The following SPEN variants were observed in gnomAD, a reference collection of about 807,000 sequenced individuals.
SPEN encodes the protein msx2-interacting protein.
SPEN carries 18 observed loss-of-function variants against 269.9 expected under a neutral mutation model. That is an observed-to-expected ratio of 0.07 (90% confidence interval 0.05 to 0.10). The LOEUF (loss-of-function observed/expected upper bound fraction) is 0.10, where lower values mean the gene tolerates loss of function less well. SPEN is among the 10% of genes least tolerant of loss of function. SPEN has a pLI of 1.00. For synonymous variants in SPEN, 1,726 were observed against 1,765.7 expected (o/e 0.98, Z 0.56); for missense variants, 3,822 against 4,631.2 (o/e 0.83, Z 5.07).
chr1:15,885,232 C>T (rs532621878), intron 3 of SPEN, among the ~76,000 whole-genome samples: 25 of 151,704 alleles, frequency 1.6e-4, no homozygotes, highest in African/African-American at 5.6e-4. Flanking sequence ...GATGGAGTCT[C>T]GCTCTGTTGC....
intron 9 of SPEN, 47 bp downstream of exon 9, chr1:15,921,030 A>G: frequency 7.7e-7 from 1 of 1,301,978 alleles, no homozygotes; most frequent in Admixed American, 1.9e-5. Context: ...TCCTATTCAA[A>G]TCTCACCCTC....
intron 3 of SPEN, among the ~76,000 whole-genome samples, chr1:15,894,241 T>C (rs1406306005): frequency 6.6e-6 from 1 of 152,150 alleles, no homozygotes; most frequent in Non-Finnish European, 1.5e-5. Context: ...ATTTGACAGT[T>C]TAAATTTTCT....
In SPEN at chr1:15,939,150, C is replaced by T; in HGVS notation, c.10864-146C>T. On this transcript the variant is annotated intron_variant, in intron 14 of 14. Coordinates refer to ENST00000375759, the MANE Select transcript of SPEN (RefSeq NM_015001.3). This position sits in a 1 kb window ranked among gnomAD's most constrained non-coding sequence, Gnocchi z 4.1. ...GTTTTCTGACACCTGCTAGGTCTTC[C>T]AGTAGACATAGTCCTGGCACATTTG... 1 of 1,166,664 alleles carries T rather than the reference C, an allele frequency of 8.6e-7. No individual in the cohort carries two copies. The highest frequency in any genetic ancestry group is 1.2e-6 in the Non-Finnish European group (1 of 837,326). 72.3% of individuals were successfully genotyped at this position (1,166,664 alleles called of 1,614,324 possible). A position where few individuals can be genotyped will look rare whatever the true frequency, so the allele number is the denominator to read the frequency against.
rs878983426 is a variant in SPEN at position 15,934,655 on chromosome 1, G to T, written c.8415G>T (p.Gly2805=). Residue 2805 remains glycine, a synonymous_variant, in exon 11 of 15, where the codon GGG becomes GGT. Coordinates refer to ENST00000375759, the MANE Select transcript of SPEN (RefSeq NM_015001.3). The surrounding 1 kb of genome is among the most constrained non-coding windows in gnomAD (Gnocchi z 9.2). ...CGGCAGACGCGGGCTCAGGGGCGGG[G>T]CTGCGTGTGAACACTTCTGAAGGGG... ...DRPADAGSGA[G]LRVNTSEGVV... 6.2e-7 allele frequency: 1 copy of T among 1,613,968 alleles called. No individual in the cohort carries two copies. Among genetic ancestry groups the T allele is most frequent in the African/African-American group, 1.3e-5 (1 of 74,920 alleles).
At chr1:15,916,958 T>G (rs2071072542) in intron 6 of SPEN, among the ~76,000 whole-genome samples, 1 of 152,094 alleles carries the variant, frequency 6.6e-6, no homozygotes, top group South Asian at 2.1e-4. Context: ...TGAAACCCTG[T>G]CTCTATAAAA....
At chr1:15,873,732 C>T (rs1183214846) in intron 2 of SPEN, 13 of 1,000,752 alleles carry the variant, frequency 1.3e-5, no homozygotes, top group Non-Finnish European at 1.6e-5. Context: ...TTTGGATCTA[C>T]ACAATTTCTG....
chr1:15,863,254 A>G (rs1219475947), intron 1 of SPEN, among the ~76,000 whole-genome samples: 1 of 152,078 alleles, frequency 6.6e-6, no homozygotes, highest in African/African-American at 2.4e-5. Context: ...CAGAAAAACA[A>G]AACAAAACTG....
At position 15,939,541 on chromosome 1, in the gene SPEN, G is replaced by A; in HGVS notation, c.*114G>A. 1.5e-6 allele frequency: 2 copies of A among 1,327,204 alleles called. No homozygotes were observed. The highest frequency in any genetic ancestry group is 1.0e-6 in the Non-Finnish European group (1 of 1,000,578). The allele number at this position is 1,327,204 out of a possible 1,614,324, so 82.2% of individuals were successfully genotyped here. A position where few individuals can be genotyped will look rare whatever the true frequency, so the allele number is the denominator to read the frequency against. On this transcript the variant is annotated 3_prime_UTR_variant, in exon 15 of 15. Transcript: ENST00000375759. The surrounding 1 kb of genome is among the most constrained non-coding windows in gnomAD (Gnocchi z 4.1). ...CCGAAGGGGACAGACTCCACTGCCA[G>A]ACGGCCAGCCGTTTGCTGTCCTGCC...
rs757271675 is a variant in SPEN, at chr1:15,936,138, G to A, written c.9898G>A (p.Gly3300Arg). The A allele has an allele frequency of 1.2e-6, 2 of 1,611,454 alleles. No homozygotes were observed. The highest frequency in any genetic ancestry group is 1.7e-6 in the Non-Finnish European group (2 of 1,178,104). ...THGVQIVHSS[G>R]ELFQEYRYGD... ...TGGGGTGCAGATTGTGCACTCCAGC[G>A]GGGAGCTGTTTCAAGAGTACCGGTA... The change falls in exon 11 of 15, where the codon GGG becomes AGG. Residue 3300 changes from glycine to arginine, a missense_variant. By Grantham distance (125) the Gly-to-Arg change is moderately radical. This residue lies in a region of SPEN where 359 missense variants were observed against 377.3 expected (regional missense o/e 0.95). Coordinates refer to ENST00000375759, the MANE Select transcript of SPEN (RefSeq NM_015001.3).
At chr1:15,919,816 TTAGA>T (rs1276087839) in intron 8 of SPEN, among the ~76,000 whole-genome samples, 1 of 152,198 alleles carries the variant, frequency 6.6e-6, no homozygotes, top group African/African-American at 2.4e-5. Context: ...TACATTAAAA[TTAGA>T]TAGTCTGACT....
chr1:15,864,470 GTTTTTT>G (rs371257174), intron 1 of SPEN, among the ~76,000 whole-genome samples: 1 of 132,384 alleles, frequency 7.6e-6, no homozygotes, highest in East Asian at 2.2e-4. Context: ...GTGCCGGCCG[GTTTTTT>G]TTTTTTTTTT....
intron 3 of SPEN, among the ~76,000 whole-genome samples, chr1:15,887,897 G>A (rs917184589): frequency 1.1e-4 from 16 of 150,664 alleles, no homozygotes; most frequent in African/African-American, 3.7e-4. Context: ...GTGGTATGGT[G>A]GACGCCTATA....
chr1:15,878,477 G>C (rs1252611386), intron 3 of SPEN, among the ~76,000 whole-genome samples: 1 of 152,146 alleles, frequency 6.6e-6, no homozygotes, highest in Non-Finnish European at 1.5e-5. Flanking sequence ...TCTATGCCCA[G>C]CTTTCAAGCC....
intron 1 of SPEN, among the ~76,000 whole-genome samples, chr1:15,852,090 C>T (rs1006565190): frequency 1.3e-5 from 2 of 152,180 alleles, no homozygotes; most frequent in Admixed American, 1.3e-4. Context: ...ATAGCTATTA[C>T]ATTTTATGTA....
chr1:15,936,048 C>T lies in SPEN; in HGVS notation c.9808C>T (p.Leu3270Phe). ...APAPHGEARILTVTPSNQLQG... is the reference protein window; with the variant it reads ...APAPHGEARIFTVTPSNQLQG... ...TGCCCCTCATGGTGAGGCCCGTATC[C>T]TCACAGTTACCCCCAGTAACCAACT... is the stretch of plus-strand genomic sequence containing the variant. The change falls in exon 11 of 15, where the codon CTC becomes TTC. Residue 3270 changes from leucine to phenylalanine, a missense_variant. Physicochemically the swap from Leu to Phe is conservative, Grantham distance 22. Transcript: ENST00000375759. 6.3e-7 allele frequency: 1 copy of T among 1,591,902 alleles called. No homozygotes were observed. Among genetic ancestry groups the T allele is most frequent in the Non-Finnish European group, 8.6e-7 (1 of 1,166,436 alleles).
At position 15,933,792 on chromosome 1, in the gene SPEN, C is replaced by G. The variant is rs2071246648; in HGVS notation, c.7552C>G (p.Leu2518Val). Residue 2518 changes from leucine to valine, a missense_variant, in exon 11 of 15, where the codon CTT (leucine) becomes GTT (valine). Physicochemically the swap from Leu to Val is conservative, Grantham distance 32. Coordinates refer to ENST00000375759, the MANE Select transcript of SPEN (RefSeq NM_015001.3). The surrounding 1 kb of genome is among the most constrained non-coding windows in gnomAD (Gnocchi z 5.7). ...PRAQSTPSPA[L>V]PPDTKASDVD... ...GGCTCAGTCTACTCCATCTCCAGCT[C>G]TTCCCCCAGACACAAAGGCCTCTGA... 6.2e-7 allele frequency: 1 copy of G among 1,613,670 alleles called. No individual in the cohort carries two copies. Among genetic ancestry groups the G allele is most frequent in the Non-Finnish European group, 8.5e-7 (1 of 1,180,046 alleles).
At chr1:15,887,163 A>T (rs1428017397) in intron 3 of SPEN, among the ~76,000 whole-genome samples, 3 of 151,394 alleles carry the variant, frequency 2.0e-5, no homozygotes, top group African/African-American at 7.3e-5. Context: ...TTTTGTAGAG[A>T]TGGAGTCTCA....
At position 15,848,250 on chromosome 1, in the gene SPEN, G is replaced by T. The variant is rs1433215201; in HGVS notation, c.83+100G>T. Reference sequence around the variant, plus strand: ...CCCGGAGCGCGGAGCTGGTGAGGAGGACTCCGGCCCGGACCCACGGGCGCT... The same window carrying T: ...CCCGGAGCGCGGAGCTGGTGAGGAGTACTCCGGCCCGGACCCACGGGCGCT... On this transcript the variant is annotated intron_variant, in intron 1 of 14. Transcript: ENST00000375759. This position sits in a 1 kb window ranked among gnomAD's most constrained non-coding sequence, Gnocchi z 5.1. 1.2e-6 allele frequency: 1 copy of T among 829,674 alleles called. No homozygotes were observed. Among genetic ancestry groups the T allele is most frequent in the Non-Finnish European group, 1.7e-6 (1 of 584,356 alleles). The allele number at this position is 829,674 out of a possible 1,614,324, so 51.4% of individuals were successfully genotyped here. A position where few individuals can be genotyped will look rare whatever the true frequency, so the allele number is the denominator to read the frequency against.
intron 3 of SPEN, 140 bp downstream of exon 3, chr1:15,876,818 C>T: frequency 1.4e-6 from 1 of 715,418 alleles, no homozygotes; most frequent in South Asian, 1.8e-5. Context: ...AAGAAACTGG[C>T]ATGTGGCCAT....
Sources: gnomAD v4.1 joint callset for allele counts (sites outside exome capture counted in the v4.1 genomes callset) on GRCh38, gnomAD v4.1.1 for gene constraint, gnomAD v4.1.1 regional missense constraint, Gnocchi (gnomAD v3.1) non-coding constraint, MANE v1.5 for transcripts, NCBI Gene and HGNC (gene_info 2026-07-23, HGNC 2026-07-21) for gene names.